The following PPFIA2 variants were observed in gnomAD, a reference collection of about 807,000 sequenced individuals.
PPFIA2 encodes liprin-alpha-2.
A neutral mutation model predicts 175.5 loss-of-function variants in PPFIA2; 46 were observed. The observed-to-expected ratio is 0.26, with a 90% CI of 0.21 to 0.34. PPFIA2 has a LOEUF of 0.34. Among genes scored for constraint, PPFIA2 ranks in the 10% least tolerant of loss-of-function variants. The pLI, the probability that PPFIA2 is intolerant of heterozygous loss-of-function variation, is 1.00. For synonymous variants in PPFIA2, 568 were observed against 511.4 expected, an observed-to-expected ratio of 1.11 and a Z score of -1.49; for missense variants, 1,179 against 1,506.1, an observed-to-expected ratio of 0.78 and a Z score of 3.60.
chr12:81,619,516 C>A (rs1281494941), intron 4 of PPFIA2, among the ~76,000 whole-genome samples: 1 of 152,140 alleles, frequency 6.6e-6, no homozygotes. Context: ...GTAAAAAAAT[C>A]TGTTACTTCC....
chr12:81,385,240 C>A (rs978316128), intron 8 of PPFIA2, among the ~76,000 whole-genome samples: 3 of 152,056 alleles, frequency 2.0e-5, no homozygotes, highest in African/African-American at 7.2e-5. Context: ...TAAAATGGAA[C>A]CCTTGTATGC....
At chr12:81,673,957 A>T (rs932181259) in intron 4 of PPFIA2, among the ~76,000 whole-genome samples, 1 of 152,058 alleles carries the variant, frequency 6.6e-6, no homozygotes, top group Non-Finnish European at 1.5e-5. Context: ...ACTTATTGTT[A>T]AAAATATTAA....
intron 4 of PPFIA2, among the ~76,000 whole-genome samples, chr12:81,585,058 T>TTA (rs2075110167): frequency 3.4e-5 from 4 of 119,122 alleles, no homozygotes; most frequent in East Asian, 4.6e-4. Context: ...TATTATATAA[T>TTA]TATATAATAT....
intron 4 of PPFIA2, among the ~76,000 whole-genome samples, chr12:81,634,513 C>A (rs1405794126): frequency 6.6e-6 from 1 of 151,996 alleles, no homozygotes; most frequent in Non-Finnish European, 1.5e-5. Context: ...TATCTTCCTG[C>A]AAGTGAGCTG....
intron 21 of PPFIA2, among the ~76,000 whole-genome samples, chr12:81,333,884 G>T (rs2056613905): frequency 6.6e-6 from 1 of 152,108 alleles, no homozygotes; most frequent in South Asian, 2.1e-4. Flanking sequence ...GAGAAACTTT[G>T]ATCCCAGGTG....
intron 5 of PPFIA2, 86 bp downstream of exon 5, chr12:81,457,679 C>T (rs1041585725): frequency 7.0e-6 from 5 of 709,976 alleles, no homozygotes; most frequent in South Asian, 2.3e-5. Flanking sequence ...TTTTAAAATG[C>T]ATATATTTTC....
At chr12:81,486,565 A>G (rs2058841532) in intron 4 of PPFIA2, among the ~76,000 whole-genome samples, 1 of 151,876 alleles carries the variant, frequency 6.6e-6, no homozygotes, top group African/African-American at 2.4e-5. Context: ...GCAGATTTTT[A>G]GTGATAGATC....
At chr12:81,376,063 C>T (rs2036285179) in intron 9 of PPFIA2, 121 bp from the exon 10 acceptor site, 1 of 884,628 alleles carries the variant, frequency 1.1e-6, no homozygotes, top group South Asian at 1.8e-5. Flanking sequence ...ATACTCATTC[C>T]TTTCTTTTCA....
chr12:81,518,784 A>G (rs1321114082), intron 4 of PPFIA2, among the ~76,000 whole-genome samples: 2 of 152,074 alleles, frequency 1.3e-5, no homozygotes, highest in Non-Finnish European at 2.9e-5. Context: ...GTTTATTGCT[A>G]TTGTCTCAGA....
chr12:81,753,846 G>T (rs190875384), intron 3 of PPFIA2, 127 bp downstream of exon 3: 1 of 1,194,834 alleles, frequency 8.4e-7, no homozygotes, highest in Admixed American at 2.5e-5. Flanking sequence ...CTATTCCTAA[G>T]TTGTTCTCAC....
chr12:81,750,250 C>T (rs1411820468), intron 3 of PPFIA2, among the ~76,000 whole-genome samples: 3 of 143,222 alleles, frequency 2.1e-5, no homozygotes, highest in African/African-American at 7.3e-5. Context: ...CAAACAGTGT[C>T]GTATTATTCA....
intron 3 of PPFIA2, among the ~76,000 whole-genome samples, chr12:81,726,779 G>T (rs1361435047): frequency 2.0e-5 from 3 of 151,274 alleles, no homozygotes; most frequent in African/African-American, 7.3e-5. Flanking sequence ...CTGCATCTGG[G>T]GTAAGTGAGC....
intron 3 of PPFIA2, among the ~76,000 whole-genome samples, chr12:81,700,903 T>G (rs1164152125): frequency 6.6e-6 from 1 of 152,116 alleles, no homozygotes; most frequent in Non-Finnish European, 1.5e-5. Flanking sequence ...TTTAAATTTC[T>G]TTTATTTATA....
chr12:81,679,765 T>C (rs1167264011), intron 3 of PPFIA2, among the ~76,000 whole-genome samples: 2 of 151,870 alleles, frequency 1.3e-5, no homozygotes, highest in East Asian at 1.9e-4. Context: ...TGAAAAGGAG[T>C]GTCCTACTTG....
intron 4 of PPFIA2, among the ~76,000 whole-genome samples, chr12:81,585,044 A>G (rs1189952204): frequency 2.0e-5 from 2 of 101,254 alleles, no homozygotes; most frequent in African/African-American, 7.1e-5. Context: ...ATTTATATAT[A>G]ATATATTATA....
At chr12:81,470,532 A>T (rs1484351427) in intron 4 of PPFIA2, among the ~76,000 whole-genome samples, 3 of 152,190 alleles carry the variant, frequency 2.0e-5, no homozygotes, top group Admixed American at 1.3e-4. Context: ...GGTAAAACAT[A>T]GAGTTATCGT....
intron 4 of PPFIA2, among the ~76,000 whole-genome samples, chr12:81,545,013 C>A (rs1356808920): frequency 2.0e-5 from 3 of 151,386 alleles, no homozygotes; most frequent in Non-Finnish European, 4.4e-5. Context: ...TAAGATAGAA[C>A]TTTTTGGTAT....
At chr12:81,599,351 C>CA (rs1285800178) in intron 4 of PPFIA2, among the ~76,000 whole-genome samples, 1 of 151,940 alleles carries the variant, frequency 6.6e-6, no homozygotes, top group Non-Finnish European at 1.5e-5. Context: ...TCCAATTATG[C>CA]ATGAAGTTTA....
At chr12:81,516,152 A>G (rs1310637141) in intron 4 of PPFIA2, among the ~76,000 whole-genome samples, 4 of 152,092 alleles carry the variant, frequency 2.6e-5, no homozygotes, top group African/African-American at 9.7e-5. Context: ...GATTAGTTTT[A>G]TCATTTCTAA....
Sources: allele counts gnomAD v4.1 joint callset (sites outside exome capture counted in the v4.1 genomes callset), GRCh38; gene constraint gnomAD v4.1.1; transcripts MANE v1.5; gene names NCBI Gene and HGNC (gene_info 2026-07-23, HGNC 2026-07-21).